Variants in GHR observed in about 807,000 individuals in gnomAD.
The protein encoded by GHR is growth hormone receptor.
Under a neutral mutation model 67.1 loss-of-function variants are expected in GHR, and 35 were observed. That is an observed-to-expected ratio of 0.52 (90% CI 0.40 to 0.69). The LOEUF (loss-of-function observed/expected upper bound fraction) is 0.69, where lower values mean the gene tolerates loss of function less well. Ranked by LOEUF, GHR falls within the 30% of genes least tolerant of loss-of-function variation. GHR has a pLI of 0.00. For missense variants in GHR, 792 were observed against 764.6 expected (o/e 1.04, Z -0.42); for synonymous variants, 272 against 269.1 (o/e 1.01, Z -0.10).
chr5:42,672,343 A>T (rs1391907675), intron 3 of GHR, among the ~76,000 whole-genome samples: 7 of 152,218 alleles, frequency 4.6e-5, no homozygotes, highest in African/African-American at 1.7e-4. Flanking sequence ...ATTTCTATAC[A>T]GCAATAGTGT....
intron 1 of GHR, among the ~76,000 whole-genome samples, chr5:42,445,187 A>G (rs967878552): frequency 1.5e-4 from 23 of 152,224 alleles, no homozygotes; most frequent in African/African-American, 5.1e-4. Context: ...CACAGTGGAC[A>G]TTCAGTAATT....
chr5:42,626,597 G>C (rs1169045996), intron 2 of GHR, among the ~76,000 whole-genome samples: 2 of 152,110 alleles, frequency 1.3e-5, no homozygotes, highest in Non-Finnish European at 2.9e-5. Flanking sequence ...GAGTGGGGCT[G>C]AAGTGTCTCA....
intron 1 of GHR, among the ~76,000 whole-genome samples, chr5:42,433,135 T>A (rs558993922): frequency 6.6e-6 from 1 of 152,212 alleles, no homozygotes; most frequent in Admixed American, 6.5e-5. Flanking sequence ...TGGATATATG[T>A]TTCACATTTT....
intron 1 of GHR, among the ~76,000 whole-genome samples, chr5:42,476,854 C>A (rs1745348064): frequency 1.3e-5 from 2 of 152,070 alleles, no homozygotes; most frequent in South Asian, 4.1e-4. Flanking sequence ...TTCTCACACA[C>A]ACTTGTGATT....
chr5:42,446,778 A>T (rs1743822609), intron 1 of GHR, among the ~76,000 whole-genome samples: 1 of 152,232 alleles, frequency 6.6e-6, no homozygotes, highest in Non-Finnish European at 1.5e-5. Flanking sequence ...TGTCAGTATA[A>T]CACAACACTG....
rs369539489 is a variant in GHR at position 42,688,962 on chromosome 5, A to C, written c.209A>C (p.Asp70Ala). 8 of 1,613,026 alleles carry C rather than the reference A, an allele frequency of 5.0e-6. No individual in the cohort carries two copies. The highest frequency in any genetic ancestry group is 6.8e-6 in the Non-Finnish European group (8 of 1,179,080). ...GAGACTTTTTCATGCCACTGGACAG[A>C]TGAGGTTCATCATGGTACAAAGAAC... ...ERETFSCHWT[D>A]EVHHGTKNLG... The change falls in exon 4 of 10, where the codon GAT (aspartate) becomes GCT (alanine). Residue 70 changes from aspartate (D) to alanine (A), a missense_variant. Coordinates refer to ENST00000230882, the MANE Select transcript of GHR (RefSeq NM_000163.5).
intron 3 of GHR, among the ~76,000 whole-genome samples, chr5:42,688,286 C>T (rs1173483319): frequency 6.6e-6 from 1 of 152,234 alleles, no homozygotes; most frequent in Admixed American, 6.5e-5. Context: ...CAGGTGCCTG[C>T]CTCGGCAAAG....
chr5:42,683,114 G>T (rs1845429659), intron 3 of GHR, among the ~76,000 whole-genome samples: 1 of 152,100 alleles, frequency 6.6e-6, no homozygotes, highest in Non-Finnish European at 1.5e-5. Flanking sequence ...CAATTCTCCT[G>T]CCTCAGCCTC....
chr5:42,588,074 G>A (rs949299155), intron 2 of GHR, among the ~76,000 whole-genome samples: 2 of 152,178 alleles, frequency 1.3e-5, no homozygotes, highest in East Asian at 1.9e-4. Context: ...TTAAAATTGT[G>A]AAAATTTGCT....
intron 1 of GHR, chr5:42,548,048 TCTC>T (rs1748817829): frequency 2.0e-6 from 2 of 982,670 alleles, no homozygotes; most frequent in Middle Eastern, 5.2e-4. Flanking sequence ...TTAGCCCTCT[TCTC>T]AGCTGATTTG....
chr5:42,613,769 T>C (rs182828321), intron 2 of GHR, among the ~76,000 whole-genome samples: 50 of 152,148 alleles, frequency 3.3e-4, no homozygotes, highest in Non-Finnish European at 6.8e-4. Flanking sequence ...CCACTGGGTA[T>C]GGGGAATAGG....
chr5:42,667,178 A>C (rs771912007), intron 3 of GHR, among the ~76,000 whole-genome samples: 3 of 152,164 alleles, frequency 2.0e-5, no homozygotes, highest in Admixed American at 6.5e-5. Flanking sequence ...TCTGCTATAC[A>C]CAAGTGGAAT....
chr5:42,526,285 C>G (rs1245514222), intron 1 of GHR, among the ~76,000 whole-genome samples: 1 of 152,044 alleles, frequency 6.6e-6, no homozygotes, highest in African/African-American at 2.4e-5. Context: ...TAAGCCAAAG[C>G]CTAATCCAGA....
chr5:42,502,390 C>T (rs1277080402), intron 1 of GHR, among the ~76,000 whole-genome samples: 2 of 152,208 alleles, frequency 1.3e-5, no homozygotes, highest in Non-Finnish European at 2.9e-5. Flanking sequence ...AGGATACCCT[C>T]TATGTGCCTT....
intron 2 of GHR, among the ~76,000 whole-genome samples, chr5:42,588,536 A>AAAAAAAAAAAAAAAAC: frequency 6.7e-6 from 1 of 149,418 alleles, no homozygotes; most frequent in Non-Finnish European, 1.5e-5. Context: ...CAAAAAAAAA[A>AAAAAAAAAAAAAAAAC]AAAAAAAAAA....
chr5:42,518,700 C>T (rs1444840206), intron 1 of GHR, among the ~76,000 whole-genome samples: 1 of 152,150 alleles, frequency 6.6e-6, no homozygotes, highest in Admixed American at 6.6e-5. Context: ...CATGAGCGCA[C>T]TCGGCCTAGA....
intron 1 of GHR, among the ~76,000 whole-genome samples, chr5:42,433,305 A>G (rs1743176643): frequency 6.6e-6 from 1 of 152,134 alleles, no homozygotes; most frequent in Non-Finnish European, 1.5e-5. Flanking sequence ...TTATTTATAT[A>G]ATCTGAAAAG....
chr5:42,672,393 A>G (rs1580172238), intron 3 of GHR, among the ~76,000 whole-genome samples: 1 of 152,228 alleles, frequency 6.6e-6, no homozygotes, highest in Non-Finnish European at 1.5e-5. Flanking sequence ...TCCCATTTAC[A>G]GTAGCCACAA....
At position 42,424,461 on chromosome 5, in the gene GHR, G is replaced by T. The variant is rs975003942; in HGVS notation, c.-12+506G>T. Reference sequence around the variant, plus strand: ...CCCCGGCAGCGCGACTGGAGAGACTGGGGAGGTCGAGCTGTGCGCGTGGAC... The same window carrying T: ...CCCCGGCAGCGCGACTGGAGAGACTTGGGAGGTCGAGCTGTGCGCGTGGAC... On this transcript the variant is annotated intron_variant, in intron 1 of 9. Transcript: ENST00000230882. The surrounding 1 kb of genome is among the most constrained non-coding windows in gnomAD (Gnocchi z 4.1). The T allele has an allele frequency of 4.1e-6, 3 of 738,566 alleles. No homozygotes were observed. Among genetic ancestry groups the T allele is most frequent in the Non-Finnish European group, 2.3e-6 (1 of 430,672 alleles). 45.8% of individuals were successfully genotyped at this position (738,566 alleles called of 1,614,324 possible). A position where few individuals can be genotyped will look rare whatever the true frequency, so the allele number is the denominator to read the frequency against.
Sources: allele counts gnomAD v4.1 joint callset (sites outside exome capture counted in the v4.1 genomes callset), GRCh38; gene constraint gnomAD v4.1.1; non-coding constraint Gnocchi (gnomAD v3.1); transcripts MANE v1.5; gene names NCBI Gene and HGNC (gene_info 2026-07-23, HGNC 2026-07-21).